Variants in CNTN5 observed in about 807,000 individuals in gnomAD.
The protein encoded by CNTN5 is contactin 5, also known as contactin-5.
In CNTN5, 77 loss-of-function variants were observed where a neutral mutation model predicts 129.1. The ratio of observed to expected loss-of-function variants is 0.60; its 90% CI spans 0.50 to 0.72. The LOEUF (loss-of-function observed/expected upper bound fraction) is 0.72. Ranked by LOEUF, CNTN5 falls within the 30% of genes least tolerant of loss-of-function variation. The pLI is 0.00. For synonymous variants in CNTN5, 509 were observed against 465.6 expected (o/e 1.09, Z -1.20); for missense variants, 1,478 against 1,328.8 (o/e 1.11, Z -1.75).
At chr11:100,197,231 A>G (rs1010016) in intron 15 of CNTN5, among the ~76,000 whole-genome samples, 35,460 of 151,874 alleles carry the variant, frequency 0.23, 4,859 homozygotes, top group East Asian at 0.5. Context: ...GTAGACAATA[A>G]GTCACTGTTT....
intron 2 of CNTN5, among the ~76,000 whole-genome samples, chr11:99,371,892 C>T (rs747625317): frequency 1.5e-4 from 23 of 152,152 alleles, no homozygotes; most frequent in Non-Finnish European, 8.8e-5. Context: ...GGCTTCTGCC[C>T]ATTTTCGATG....
At chr11:100,264,973 C>G (rs551380954) in intron 17 of CNTN5, among the ~76,000 whole-genome samples, 109 of 152,174 alleles carry the variant, frequency 7.2e-4, no homozygotes, top group African/African-American at 1.9e-3. Context: ...TTGCATTTCT[C>G]TAATGATAAG....
chr11:100,052,344 G>A (rs1355816681), intron 9 of CNTN5, among the ~76,000 whole-genome samples: 5 of 151,656 alleles, frequency 3.3e-5, no homozygotes. Flanking sequence ...GGGAGACCTG[G>A]ACAGTATAGT....
At chr11:99,187,621 A>G (rs1197638862) in intron 1 of CNTN5, among the ~76,000 whole-genome samples, 1 of 151,784 alleles carries the variant, frequency 6.6e-6, no homozygotes, top group African/African-American at 2.4e-5. Flanking sequence ...TTCTACCAAA[A>G]ATGGTTTCAA....
At chr11:99,468,106 T>C (rs1017519016) in intron 2 of CNTN5, among the ~76,000 whole-genome samples, 1 of 152,240 alleles carries the variant, frequency 6.6e-6, no homozygotes, top group Non-Finnish European at 1.5e-5. Context: ...TGAATCCAGC[T>C]GTAGATACAT....
chr11:99,572,724 GTTTTA>G (rs1257491001), intron 3 of CNTN5, among the ~76,000 whole-genome samples: 6 of 149,970 alleles, frequency 4.0e-5, no homozygotes, highest in Non-Finnish European at 8.9e-5. Context: ...ATAGTTAAAA[GTTTTA>G]TTTTATTTTG....
intron 13 of CNTN5, among the ~76,000 whole-genome samples, chr11:100,077,968 A>G (rs1435669839): frequency 6.6e-6 from 1 of 152,224 alleles, no homozygotes; most frequent in Non-Finnish European, 1.5e-5. Flanking sequence ...GCAGGAAAAT[A>G]TAATCTAATC....
chr11:100,242,534 A>T (rs1181970562), intron 16 of CNTN5, among the ~76,000 whole-genome samples: 2 of 152,176 alleles, frequency 1.3e-5, no homozygotes, highest in Non-Finnish European at 2.9e-5. Context: ...TCATGGTGGA[A>T]TGCAAAAGGG....
At chr11:99,638,203 A>G (rs897469652) in intron 3 of CNTN5, among the ~76,000 whole-genome samples, 3 of 152,146 alleles carry the variant, frequency 2.0e-5, no homozygotes, top group Non-Finnish European at 4.4e-5. Context: ...GCAAAAGCAG[A>G]AATCCCTAAT....
chr11:99,704,057 A>C (rs112989139), intron 3 of CNTN5, among the ~76,000 whole-genome samples: 15 of 148,238 alleles, frequency 1.0e-4, no homozygotes, highest in Admixed American at 1.4e-4. Context: ...ATATATATAT[A>C]TGTGTGTGTG....
chr11:99,896,252 T>A (rs2135931340), intron 6 of CNTN5, among the ~76,000 whole-genome samples: 1 of 152,254 alleles, frequency 6.6e-6, no homozygotes, highest in East Asian at 1.9e-4. Flanking sequence ...CAAACAGGGC[T>A]TGCTGCCTTT....
intron 18 of CNTN5, among the ~76,000 whole-genome samples, chr11:100,292,820 C>T (rs1275637599): frequency 6.6e-6 from 1 of 151,950 alleles, no homozygotes; most frequent in Non-Finnish European, 1.5e-5. Flanking sequence ...TCTTCAGCCA[C>T]TCTCAATTCA....
intron 2 of CNTN5, among the ~76,000 whole-genome samples, chr11:99,400,394 T>C (rs1357816311): frequency 6.6e-6 from 1 of 152,122 alleles, no homozygotes. Flanking sequence ...TATCAAATGG[T>C]GAGAATTTCA....
chr11:100,205,836 G>A (rs1176225106), intron 15 of CNTN5, among the ~76,000 whole-genome samples: 1 of 152,036 alleles, frequency 6.6e-6, no homozygotes, highest in African/African-American at 2.4e-5. Context: ...ACTTGAGCAA[G>A]CATGCATTGT....
At chr11:99,728,505 G>T (rs1943426506) in intron 3 of CNTN5, among the ~76,000 whole-genome samples, 1 of 152,092 alleles carries the variant, frequency 6.6e-6, no homozygotes, top group Non-Finnish European at 1.5e-5. Context: ...ATTTTTCAGG[G>T]TCTATCTAAC....
rs567869782 is a variant in CNTN5, at chr11:99,770,227, CT to C, written c.56-49316del. Among the ~76,000 whole-genome samples the C allele has an allele frequency of 9.2e-5, 14 of 152,016 alleles. No individual in the cohort carries two copies. In the East Asian group the frequency reaches 2.7e-3, roughly 29 times the overall value. ...AATATTAAGGTTTGCTTTATCTTTT[CT>C]CTTAAATTTAGTTTTTAAAAAATAT... On this transcript the variant is annotated intron_variant, in intron 3 of 24. Transcript: ENST00000524871.
At chr11:99,967,682 T>A (rs11222086) in intron 8 of CNTN5, among the ~76,000 whole-genome samples, 23,088 of 152,036 alleles carry the variant, frequency 0.15, 2,260 homozygotes, top group African/African-American at 0.27. Flanking sequence ...ACACTCCCCA[T>A]TAACCACATC....
chr11:99,074,936 G>A (rs1865499357), intron 1 of CNTN5, among the ~76,000 whole-genome samples: 1 of 152,150 alleles, frequency 6.6e-6, no homozygotes, highest in Non-Finnish European at 1.5e-5. Flanking sequence ...TGTAAAACAT[G>A]CCGCATTGAA....
intron 3 of CNTN5, among the ~76,000 whole-genome samples, chr11:99,652,558 C>G (rs771378191): frequency 6.6e-6 from 1 of 152,016 alleles, no homozygotes; most frequent in Non-Finnish European, 1.5e-5. Flanking sequence ...TTGAATCTTA[C>G]AAGGCTGTAG....
Sources: allele counts gnomAD v4.1 joint callset (sites outside exome capture counted in the v4.1 genomes callset), GRCh38; gene constraint gnomAD v4.1.1; transcripts MANE v1.5; gene names NCBI Gene and HGNC (gene_info 2026-07-23, HGNC 2026-07-21).